AP3S1: variants seen among roughly 807,000 people sequenced by gnomAD.
AP3S1 encodes the protein adaptor related protein complex 3 subunit sigma 1.
Under a neutral mutation model 21.3 loss-of-function variants are expected in AP3S1, and 12 were observed. The ratio of observed to expected loss-of-function variants is 0.56; its 90% confidence interval spans 0.36 to 0.91. The LOEUF (loss-of-function observed/expected upper bound fraction) is 0.91, where lower values mean the gene tolerates loss of function less well. Among genes scored for constraint, AP3S1 ranks in the 40% least tolerant of loss-of-function variants. The pLI is 0.01. For missense variants in AP3S1, 116 were observed against 225.0 expected, an observed-to-expected ratio of 0.52 and a Z score of 3.10; for synonymous variants, 48 against 78.4, an observed-to-expected ratio of 0.61 and a Z score of 2.05.
At chr5:115,886,329 C>T (rs1196565344) in intron 3 of AP3S1, among the ~76,000 whole-genome samples, 1 of 151,960 alleles carries the variant, frequency 6.6e-6, no homozygotes, top group Non-Finnish European at 1.5e-5. Context: ...GTGTACCTGC[C>T]TCTCGTGCCT....
At chr5:115,877,618 G>C (rs1748850615) in intron 3 of AP3S1, among the ~76,000 whole-genome samples, 3 of 152,164 alleles carry the variant, frequency 2.0e-5, no homozygotes, top group Admixed American at 2.0e-4. Flanking sequence ...CATTTGGGTT[G>C]GTTCCAAGTC....
intron 3 of AP3S1, among the ~76,000 whole-genome samples, chr5:115,873,629 C>T (rs1748464253): frequency 6.6e-6 from 1 of 152,132 alleles, no homozygotes; most frequent in Non-Finnish European, 1.5e-5. Context: ...ACACATGAGT[C>T]AGTCACTTTA....
intron 2 of AP3S1, among the ~76,000 whole-genome samples, chr5:115,869,116 A>G (rs910999383): frequency 6.6e-6 from 1 of 152,204 alleles, no homozygotes. Context: ...AAACTTAACT[A>G]TGAAATAGCT....
chr5:115,886,663 A>T (rs1749809313), intron 3 of AP3S1, among the ~76,000 whole-genome samples: 1 of 152,196 alleles, frequency 6.6e-6, no homozygotes, highest in Admixed American at 6.5e-5. Context: ...CAAAAGTTGT[A>T]CGCAGATTTT....
intron 1 of AP3S1, among the ~76,000 whole-genome samples, chr5:115,848,467 A>G (rs1400392685): frequency 1.3e-5 from 2 of 152,240 alleles, no homozygotes; most frequent in African/African-American, 4.8e-5. Context: ...AGTATATGGT[A>G]ATAGCACATT....
intron 1 of AP3S1, among the ~76,000 whole-genome samples, chr5:115,851,933 A>G (rs140762423): frequency 6.6e-6 from 1 of 152,116 alleles, no homozygotes; most frequent in Non-Finnish European, 1.5e-5. Context: ...ATAGTATACT[A>G]TAATTTAACC....
At chr5:115,907,509 A>G (rs1751750053) in intron 5 of AP3S1, among the ~76,000 whole-genome samples, 1 of 152,300 alleles carries the variant, frequency 6.6e-6, no homozygotes, top group Non-Finnish European at 1.5e-5. Flanking sequence ...TAAGATCAGA[A>G]ATCTTATAAA....
intron 5 of AP3S1, among the ~76,000 whole-genome samples, chr5:115,906,543 A>G (rs1221021237): frequency 1.3e-5 from 2 of 152,160 alleles, no homozygotes; most frequent in African/African-American, 4.8e-5. Flanking sequence ...GTTTACTATA[A>G]CATTGGAATA....
At chr5:115,870,342 A>G (rs544973129) in intron 3 of AP3S1, among the ~76,000 whole-genome samples, 109 of 152,288 alleles carry the variant, frequency 7.2e-4, no homozygotes, top group African/African-American at 9.9e-4. Context: ...ATGACATTTT[A>G]TCTTGCTCAT....
chr5:115,850,893 A>T (rs560967878), intron 1 of AP3S1, among the ~76,000 whole-genome samples: 3 of 152,154 alleles, frequency 2.0e-5, no homozygotes, highest in Non-Finnish European at 4.4e-5. Flanking sequence ...TTGTGAAGGC[A>T]TTAAATAAAG....
chr5:115,842,690 C>T (rs1169604262), intron 1 of AP3S1: 1 of 152,336 alleles, frequency 6.6e-6, no homozygotes, highest in African/African-American at 2.4e-5. Flanking sequence ...TGTACAGTCT[C>T]TCTTCTGCAT....
In AP3S1 at chr5:115,844,143, C is replaced by T. The variant is rs561511730; in HGVS notation, c.69+2037C>T. Among the ~76,000 whole-genome samples the T allele has an allele frequency of 5.5e-4, 83 of 152,264 alleles. 1 individual carries two copies. The South Asian group carries it at 0.017, about 30-fold the overall frequency. ...AGATTATTTATTTATACATTTGCTT[C>T]CTCCACTAGACCATAACCTTTTTGA... On this transcript the variant is annotated intron_variant, in intron 1 of 5. Coordinates refer to ENST00000316788, the MANE Select transcript of AP3S1 (RefSeq NM_001284.4).
intron 3 of AP3S1, among the ~76,000 whole-genome samples, chr5:115,878,327 GTT>G (rs958988659): frequency 2.6e-5 from 4 of 152,148 alleles, no homozygotes; most frequent in African/African-American, 9.7e-5. Flanking sequence ...GGTTTTTATG[GTT>G]TTGGGTCTTA....
chr5:115,843,609 C>G (rs1293589467), intron 1 of AP3S1, among the ~76,000 whole-genome samples: 2 of 152,166 alleles, frequency 1.3e-5, no homozygotes, highest in Non-Finnish European at 2.9e-5. Context: ...GAGTCTTTGT[C>G]ATAACCATTT....
chr5:115,877,553 G>C (rs185262170), intron 3 of AP3S1, among the ~76,000 whole-genome samples: 1 of 152,292 alleles, frequency 6.6e-6, no homozygotes, highest in Admixed American at 6.5e-5. Flanking sequence ...TGGCTGCATA[G>C]TATTCCATGG....
chr5:115,842,230 T>G lies in AP3S1; in HGVS notation c.69+124T>G, dbSNP rs988058878. 33 of 1,361,166 alleles carry G rather than the reference T, an allele frequency of 2.4e-5. No homozygotes were observed. In the African/African-American group the frequency reaches 4.9e-4, roughly 20 times the overall value. The allele number at this position is 1,361,166 out of a possible 1,614,324, so 84.3% of individuals were successfully genotyped here. A position where few individuals can be genotyped will look rare whatever the true frequency, so the allele number is the denominator to read the frequency against. On this transcript the variant is annotated intron_variant, in intron 1 of 5. Transcript: ENST00000316788. ...CGGCCCTTGTCCCGTCCCGGCCGCCTGGCGCTCGCCAGCTGTCAGCCTCCT... is the reference window on the plus strand; with the variant it reads ...CGGCCCTTGTCCCGTCCCGGCCGCCGGGCGCTCGCCAGCTGTCAGCCTCCT...
chr5:115,894,891 A>T (rs1367498962), intron 3 of AP3S1, among the ~76,000 whole-genome samples, 196 bp from the exon 4 acceptor site: 1 of 152,194 alleles, frequency 6.6e-6, no homozygotes, highest in Non-Finnish European at 1.5e-5. Context: ...TATGTATTGA[A>T]AAGTAATTTA....
At chr5:115,865,754 T>C (rs1163755800) in intron 1 of AP3S1, among the ~76,000 whole-genome samples, 1 of 152,166 alleles carries the variant, frequency 6.6e-6, no homozygotes, top group Admixed American at 6.5e-5. Context: ...GAAATTGGTG[T>C]TCATGATTTT....
At chr5:115,872,561 C>G (rs1348907027) in intron 3 of AP3S1, among the ~76,000 whole-genome samples, 1 of 152,076 alleles carries the variant, frequency 6.6e-6, no homozygotes, top group Non-Finnish European at 1.5e-5. Context: ...ATTTAAAGCT[C>G]TAAGTGGAGA....
Sources: allele counts gnomAD v4.1 joint callset (sites outside exome capture counted in the v4.1 genomes callset), GRCh38; gene constraint gnomAD v4.1.1; transcripts MANE v1.5; gene names NCBI Gene and HGNC (gene_info 2026-07-23, HGNC 2026-07-21).